PIEZO2: variants seen among roughly 807,000 people sequenced by gnomAD.
The protein encoded by PIEZO2 is piezo type mechanosensitive ion channel component 2.
In PIEZO2, 172 loss-of-function variants were observed where a neutral mutation model predicts 337.3. The observed-to-expected ratio is 0.51, with a 90% confidence interval of 0.45 to 0.58. PIEZO2 has a LOEUF of 0.58. PIEZO2 is among the 20% of genes least tolerant of loss of function. PIEZO2 has a pLI of 0.00. For missense variants in PIEZO2, 3,028 were observed against 3,391.3 expected (o/e 0.89, Z 2.66); for synonymous variants, 1,251 against 1,228.5 (o/e 1.02, Z -0.38).
rs375508027 is a variant in PIEZO2 at position 10,766,321 on chromosome 18, G to C, written c.2947-3223C>G. Among the ~76,000 whole-genome samples the C allele has an allele frequency of 2.0e-5, 3 of 151,800 alleles. No individual in the cohort carries two copies. The South Asian group carries it at 6.2e-4, about 32-fold the overall frequency. On this transcript the variant is annotated intron_variant, in intron 21 of 55. Transcript: ENST00000674853. The surrounding 1 kb of genome is among the most constrained non-coding windows in gnomAD (Gnocchi z 6.1). Reference sequence around the variant, plus strand: ...GAAAGGAGGGGAAGGGGAAGGAGAAGTAGGAGGAGAAGGAGGAGGAGGAGG... The same window carrying C: ...GAAAGGAGGGGAAGGGGAAGGAGAACTAGGAGGAGAAGGAGGAGGAGGAGG...
chr18:10,772,427 T>C (rs2038636320), intron 20 of PIEZO2, among the ~76,000 whole-genome samples: 1 of 152,208 alleles, frequency 6.6e-6, no homozygotes, highest in Non-Finnish European at 1.5e-5. Context: ...AATCCTAGAC[T>C]TAAGTCCTTG....
intron 4 of PIEZO2, among the ~76,000 whole-genome samples, chr18:10,887,065 C>CTTTTT (rs143421507): frequency 3.0e-4 from 27 of 91,396 alleles, no homozygotes; most frequent in East Asian, 7.4e-4. Context: ...AGGTGACACA[C>CTTTTT]TTTTTTTTTT....
rs955366143 is a variant in PIEZO2 at position 11,102,477 on chromosome 18, C to T, written c.65-36255G>A. 1.3e-5 allele frequency among the ~76,000 whole-genome samples: 2 copies of T among 152,194 alleles called. No individual in the cohort carries two copies. Among genetic ancestry groups the T allele is most frequent in the Non-Finnish European group, 2.9e-5 (2 of 68,028 alleles). On this transcript the variant is annotated intron_variant, in intron 1 of 55. Transcript: ENST00000674853. This position sits in a 1 kb window ranked among gnomAD's most constrained non-coding sequence, Gnocchi z 5.7. ...ACCAGGCTGGTGCAGTGGCAGGTGG[C>T]CAGCCTTTACCCTTATTCCCTTTCC...
Position 10,716,182 on chromosome 18 carries a change from C to T in PIEZO2, c.5090-366G>A, listed in dbSNP as rs894326158. Among the ~76,000 whole-genome samples the T allele has an allele frequency of 6.6e-6, 1 of 152,136 alleles. No individual in the cohort carries two copies. Among genetic ancestry groups the T allele is most frequent in the South Asian group, 2.1e-4 (1 of 4,824 alleles). On this transcript the variant is annotated intron_variant, in intron 37 of 55. Transcript: ENST00000674853. This position sits in a 1 kb window ranked among gnomAD's most constrained non-coding sequence, Gnocchi z 4.1. ...CCAAATGTGCCTGCCTCTTCTGTTTCCCCTTCCACCTTCTCTCCTCCACCT... is the reference window on the plus strand; with the variant it reads ...CCAAATGTGCCTGCCTCTTCTGTTTTCCCTTCCACCTTCTCTCCTCCACCT...
rs35930107 is a variant in PIEZO2 at position 10,750,531 on chromosome 18, G to A, written c.4168-344C>T. On this transcript the variant is annotated intron_variant, in intron 28 of 55. Transcript: ENST00000674853. The surrounding 1 kb of genome is among the most constrained non-coding windows in gnomAD (Gnocchi z 4.1). Reference sequence around the variant, plus strand: ...CACTGAACCCTAGAACTTGGACTTTGGTAGAGTTATTTTCTTACAAGCCAG... The same window carrying A: ...CACTGAACCCTAGAACTTGGACTTTAGTAGAGTTATTTTCTTACAAGCCAG... Among the ~76,000 whole-genome samples the A allele has an allele frequency of 0.2, 30,793 of 152,174 alleles. 3,708 individuals are homozygous for A. Among genetic ancestry groups the A allele is most frequent in the South Asian group, 0.28 (1,362 of 4,824 alleles).
intron 47 of PIEZO2, among the ~76,000 whole-genome samples, chr18:10,693,322 GC>G (rs1182233866): frequency 3.3e-5 from 5 of 150,328 alleles, no homozygotes; most frequent in Non-Finnish European, 7.4e-5. Context: ...CATATCTGCC[GC>G]ATGGTTTTGC....
chr18:10,695,857 A>G (rs1366742047), intron 47 of PIEZO2, among the ~76,000 whole-genome samples: 1 of 152,256 alleles, frequency 6.6e-6, no homozygotes, highest in Non-Finnish European at 1.5e-5. Context: ...CTACAAATGT[A>G]GATAATATGT....
At position 10,923,722 on chromosome 18, in the gene PIEZO2, T is replaced by A. The variant is rs907986563; in HGVS notation, c.287-12494A>T. 6.6e-5 allele frequency among the ~76,000 whole-genome samples: 10 copies of A among 152,346 alleles called. No individual in the cohort carries two copies. The Middle Eastern group carries it at 0.01, about 155-fold the overall frequency. On this transcript the variant is annotated intron_variant, in intron 3 of 55. Coordinates refer to ENST00000674853, the MANE Select transcript of PIEZO2 (RefSeq NM_001378183.1). ...GAGTAAACTGCACCCATGGTGCTCA[T>A]CTCCCTCTGTCAGTTTTCTCTCAGA...
At chr18:10,710,530 A>T (rs569323456) in intron 39 of PIEZO2, among the ~76,000 whole-genome samples, 3 of 152,254 alleles carry the variant, frequency 2.0e-5, no homozygotes, top group African/African-American at 4.8e-5. Flanking sequence ...CCATTAAAAA[A>T]TTTTTGCCAT....
In PIEZO2 at chr18:11,003,704, A is replaced by C. The variant is rs916796011; in HGVS notation, c.161-24044T>G. Among the ~76,000 whole-genome samples the C allele has an allele frequency of 6.6e-6, 1 of 152,174 alleles. No homozygotes were observed. The highest frequency in any genetic ancestry group is 2.4e-5 in the African/African-American group (1 of 41,450). On this transcript the variant is annotated intron_variant, in intron 2 of 55. Transcript: ENST00000674853. The surrounding 1 kb of genome is among the most constrained non-coding windows in gnomAD (Gnocchi z 4.6). ...ACATACTAGCACACAGACTGGGACC[A>C]TGTGGACACACCAATTTACCTAACA...
At chr18:10,866,215 A>T (rs2042001305) in intron 5 of PIEZO2, among the ~76,000 whole-genome samples, 1 of 152,008 alleles carries the variant, frequency 6.6e-6, no homozygotes, top group Non-Finnish European at 1.5e-5. Context: ...CATTTTTATT[A>T]TGAGTTGTAT....
chr18:10,825,619 C>T (rs1264218173), intron 7 of PIEZO2, among the ~76,000 whole-genome samples: 7 of 142,836 alleles, frequency 4.9e-5, no homozygotes, highest in South Asian at 2.2e-4. Flanking sequence ...GGCACAATCT[C>T]GGCTCACTGC....
Position 10,863,340 on chromosome 18 carries a change from C to T in PIEZO2, c.493-6129G>A, listed in dbSNP as rs562772396. ...GTACCTTATGCAAGCCTAACGTGAT[C>T]GCATTTAATGGATAAAGCAAATATT... On this transcript the variant is annotated intron_variant, in intron 5 of 55. Coordinates refer to ENST00000674853, the MANE Select transcript of PIEZO2 (RefSeq NM_001378183.1). This position sits in a 1 kb window ranked among gnomAD's most constrained non-coding sequence, Gnocchi z 4.3. 8.5e-5 allele frequency among the ~76,000 whole-genome samples: 13 copies of T among 152,290 alleles called. No homozygotes were observed. Among genetic ancestry groups the T allele is most frequent in the Middle Eastern group, 3.4e-3 (1 of 294 alleles).
In PIEZO2 at chr18:10,713,843, G is replaced by A. The variant is rs1284727154; in HGVS notation, c.5423+921C>T. 6.6e-6 allele frequency among the ~76,000 whole-genome samples: 1 copy of A among 152,180 alleles called. No homozygotes were observed. Among genetic ancestry groups the A allele is most frequent in the Admixed American group, 6.5e-5 (1 of 15,268 alleles). On this transcript the variant is annotated intron_variant, in intron 39 of 55. Transcript: ENST00000674853. The surrounding 1 kb of genome is among the most constrained non-coding windows in gnomAD (Gnocchi z 4.5). ...GTCTAGCGCTTCACCCTAACAAGGC[G>A]ATTTTTCCTCCTAAGACAGGGACTT... is the stretch of plus-strand genomic sequence containing the variant.
At chr18:10,857,247 G>A in intron 5 of PIEZO2, 36 bp from the exon 6 acceptor site, 2 of 1,512,274 alleles carry the variant, frequency 1.3e-6, no homozygotes, top group Non-Finnish European at 1.8e-6. Context: ...CTCAAGTCCA[G>A]GAGCCTGCCT....
intron 1 of PIEZO2, among the ~76,000 whole-genome samples, chr18:11,134,431 C>T: frequency 6.6e-6 from 1 of 152,182 alleles, no homozygotes; most frequent in South Asian, 2.1e-4. Flanking sequence ...TTGTCCTTCC[C>T]TCTCACGGCT....
intron 2 of PIEZO2, among the ~76,000 whole-genome samples, chr18:11,004,469 A>G (rs1376730643): frequency 6.6e-6 from 1 of 152,208 alleles, no homozygotes; most frequent in Non-Finnish European, 1.5e-5. Context: ...AAGAAAAGGT[A>G]TGAGTAATTT....
chr18:10,844,243 G>A (rs376549683), intron 7 of PIEZO2, among the ~76,000 whole-genome samples: 13 of 151,720 alleles, frequency 8.6e-5, no homozygotes, highest in African/African-American at 2.9e-4. Context: ...ACATGGCGAA[G>A]CCCCATCTCT....
rs2041827506 is a variant in PIEZO2 at position 10,859,862 on chromosome 18, G to A, written c.493-2651C>T. 6.6e-6 allele frequency among the ~76,000 whole-genome samples: 1 copy of A among 152,172 alleles called. No individual in the cohort carries two copies. The highest frequency in any genetic ancestry group is 1.5e-5 in the Non-Finnish European group (1 of 68,046). On this transcript the variant is annotated intron_variant, in intron 5 of 55. Transcript: ENST00000674853. The surrounding 1 kb of genome is among the most constrained non-coding windows in gnomAD (Gnocchi z 4.9). ...GCAGCAGCGGGGAGGTGGTGGCTGT[G>A]CTGGAGGAGAGGGGAGGGAGTGGTG...
Sources: allele counts gnomAD v4.1 joint callset (sites outside exome capture counted in the v4.1 genomes callset), GRCh38; gene constraint gnomAD v4.1.1; non-coding constraint Gnocchi (gnomAD v3.1); transcripts MANE v1.5; gene names NCBI Gene and HGNC (gene_info 2026-07-23, HGNC 2026-07-21).